The following TMC1 variants were observed in gnomAD, a reference collection of about 807,000 sequenced individuals.
TMC1 encodes the protein transmembrane channel-like protein 1.
A neutral mutation model predicts 105.8 loss-of-function variants in TMC1; 84 were observed. The observed-to-expected ratio is 0.79, with a 90% CI of 0.67 to 0.95. The LOEUF (loss-of-function observed/expected upper bound fraction) is 0.95, where lower values mean the gene tolerates loss of function less well. Ranked by LOEUF, TMC1 falls within the 40% of genes least tolerant of loss-of-function variation. The probability of loss-of-function intolerance (pLI) is 0.00; values close to 1 mark genes in which losing one functional copy is unlikely to be tolerated. For missense variants in TMC1, 817 were observed against 914.1 expected, an observed-to-expected ratio of 0.89 and a Z score of 1.37; for synonymous variants, 315 against 311.5, an observed-to-expected ratio of 1.01 and a Z score of -0.12.
chr9:72,532,939 A>G, intron 1 of TMC1, among the ~76,000 whole-genome samples: 1 of 152,242 alleles, frequency 6.6e-6, no homozygotes, highest in East Asian at 1.9e-4. Flanking sequence ...TCAGTCCACC[A>G]GGCTCAGGCT....
chr9:72,649,645 A>G (rs1444514088), intron 5 of TMC1, among the ~76,000 whole-genome samples: 3 of 152,010 alleles, frequency 2.0e-5, no homozygotes, highest in Admixed American at 6.5e-5. Flanking sequence ...CAAAACAACC[A>G]CTTCTTATGA....
intron 18 of TMC1, among the ~76,000 whole-genome samples, chr9:72,807,440 C>T (rs1187656889): frequency 6.6e-6 from 1 of 152,120 alleles, no homozygotes; most frequent in Admixed American, 6.5e-5. Flanking sequence ...AGTTCAGACT[C>T]GAGTATCATG....
At chr9:72,589,220 A>G (rs1274336752) in intron 2 of TMC1, among the ~76,000 whole-genome samples, 2 of 152,216 alleles carry the variant, frequency 1.3e-5, no homozygotes, top group African/African-American at 4.8e-5. Context: ...TACTGTTGAC[A>G]TCAACCTTAT....
chr9:72,704,689 C>T (rs2117884321), intron 8 of TMC1, among the ~76,000 whole-genome samples: 1 of 152,182 alleles, frequency 6.6e-6, no homozygotes, highest in Non-Finnish European at 1.5e-5. Flanking sequence ...TTGTGATTTT[C>T]ATTCTATGTT....
intron 5 of TMC1, among the ~76,000 whole-genome samples, chr9:72,680,045 C>T (rs1465821352): frequency 6.6e-6 from 1 of 152,094 alleles, no homozygotes; most frequent in African/African-American, 2.4e-5. Context: ...ACATCTCAAT[C>T]ACATTTAATT....
At chr9:72,743,143 G>A (rs1827420135) in intron 10 of TMC1, among the ~76,000 whole-genome samples, 1 of 151,854 alleles carries the variant, frequency 6.6e-6, no homozygotes, top group South Asian at 2.1e-4. Flanking sequence ...CGAGGCGGGC[G>A]GATCACGAGG....
intron 8 of TMC1, among the ~76,000 whole-genome samples, chr9:72,709,031 G>A (rs1826791718): frequency 6.6e-6 from 1 of 151,758 alleles, no homozygotes; most frequent in African/African-American, 2.4e-5. Flanking sequence ...GTGTTTAAGA[G>A]CAGAAAGTTT....
intron 23 of TMC1, among the ~76,000 whole-genome samples, chr9:72,832,593 C>A (rs1291306589): frequency 7.9e-5 from 12 of 152,102 alleles, no homozygotes; most frequent in Admixed American, 7.9e-4. Flanking sequence ...GAGGTCACAC[C>A]TACCTAAGAG....
In TMC1 at chr9:72,587,182, G is replaced by A. The variant is rs1280884318; in HGVS notation, c.-306+9159G>A. Among the ~76,000 whole-genome samples the A allele has an allele frequency of 2.7e-5, 4 of 150,480 alleles. No homozygotes were observed. In the East Asian group the frequency reaches 7.8e-4, roughly 29 times the overall value. ...TAACTTTTTTTTTTTTTTTGACATG[G>A]AGTTTCACTCTTGTTGCCCAGGCTG... On this transcript the variant is annotated intron_variant, in intron 2 of 23. Coordinates refer to ENST00000297784, the MANE Select transcript of TMC1 (RefSeq NM_138691.3).
chr9:72,741,492 C>G (rs1335132260), intron 9 of TMC1: 1 of 260,336 alleles, frequency 3.8e-6, no homozygotes, highest in Non-Finnish European at 7.4e-6. Context: ...AAAGATCAGT[C>G]TTTGCTGATC....
intron 5 of TMC1, among the ~76,000 whole-genome samples, chr9:72,661,312 A>C (rs1367055064): frequency 6.6e-6 from 1 of 152,192 alleles, no homozygotes; most frequent in African/African-American, 2.4e-5. Flanking sequence ...CATTGCTGCC[A>C]TGTGGCATTT....
At chr9:72,569,975 G>T (rs545086159) in intron 1 of TMC1, among the ~76,000 whole-genome samples, 1 of 152,236 alleles carries the variant, frequency 6.6e-6, no homozygotes, top group East Asian at 1.9e-4. Flanking sequence ...GTGTGTGTGT[G>T]AGGGGGATAC....
chr9:72,750,631 G>C (rs1827567635), intron 10 of TMC1, among the ~76,000 whole-genome samples: 1 of 151,774 alleles, frequency 6.6e-6, no homozygotes, highest in Non-Finnish European at 1.5e-5. Flanking sequence ...GAACATTCTT[G>C]CCTATTGCCT....
chr9:72,612,456 G>C (rs1199018465), intron 2 of TMC1, among the ~76,000 whole-genome samples: 1 of 151,258 alleles, frequency 6.6e-6, no homozygotes, highest in Non-Finnish European at 1.5e-5. Context: ...TTACAGACAA[G>C]AGCCACCACT....
At chr9:72,686,985 G>A (rs918942666) in intron 5 of TMC1, among the ~76,000 whole-genome samples, 8 of 152,008 alleles carry the variant, frequency 5.3e-5, no homozygotes, top group African/African-American at 1.9e-4. Context: ...TCTCTCCCGT[G>A]GTTATTAGAG....
chr9:72,756,275 G>A (rs147889119), intron 12 of TMC1, among the ~76,000 whole-genome samples: 4 of 152,210 alleles, frequency 2.6e-5, no homozygotes, highest in African/African-American at 7.2e-5. Flanking sequence ...AGGAAGACAC[G>A]TAAGCAACCA....
rs149516802 is a variant in TMC1, at chr9:72,688,512, G to C, written c.17-197G>C. On this transcript the variant is annotated intron_variant, in intron 5 of 23. Coordinates refer to ENST00000297784, the MANE Select transcript of TMC1 (RefSeq NM_138691.3). ...GCAAATCCCTGAAGATTATGAAATA[G>C]AAAAATCTTTGCATGGCATTGTATA... Among the ~76,000 whole-genome samples the C allele has an allele frequency of 3.0e-3, 458 of 152,204 alleles. 1 individual carries two copies. Among genetic ancestry groups the C allele is most frequent in the Non-Finnish European group, 4.4e-3 (302 of 67,984 alleles).
At chr9:72,739,583 C>T (rs924382728) in intron 8 of TMC1, among the ~76,000 whole-genome samples, 4 of 152,160 alleles carry the variant, frequency 2.6e-5, no homozygotes, top group Non-Finnish European at 5.9e-5. Context: ...CCTTTTCTCT[C>T]TCTTTCTCTT....
chr9:72,597,436 G>A (rs1281066681), intron 2 of TMC1, among the ~76,000 whole-genome samples: 2 of 152,188 alleles, frequency 1.3e-5, no homozygotes, highest in African/African-American at 4.8e-5. Flanking sequence ...CAGGGTACCT[G>A]CTGTTCACCT....
Sources: gnomAD v4.1 joint callset for allele counts (sites outside exome capture counted in the v4.1 genomes callset) on GRCh38, gnomAD v4.1.1 for gene constraint, MANE v1.5 for transcripts, NCBI Gene and HGNC (gene_info 2026-07-23, HGNC 2026-07-21) for gene names.